Variants in NBEA observed in about 807,000 individuals in gnomAD.
NBEA encodes neurobeachin, also known as lysosomal-trafficking regulator 2.
In NBEA, 44 loss-of-function variants were observed where a neutral mutation model predicts 343.4. The observed-to-expected ratio is 0.13, with a 90% confidence interval of 0.10 to 0.16. The LOEUF (loss-of-function observed/expected upper bound fraction) is 0.16. Ranked by LOEUF, NBEA falls within the 10% of genes least tolerant of loss-of-function variation. The probability of loss-of-function intolerance (pLI) is 1.00; values close to 1 mark genes in which losing one functional copy is unlikely to be tolerated. For missense variants in NBEA, 2,555 were observed against 3,631.3 expected, an observed-to-expected ratio of 0.70 and a Z score of 7.62; for synonymous variants, 1,175 against 1,238.7, an observed-to-expected ratio of 0.95 and a Z score of 1.08.
At chr13:35,491,119 A>G (rs918953045) in intron 41 of NBEA, among the ~76,000 whole-genome samples, 4 of 151,938 alleles carry the variant, frequency 2.6e-5, no homozygotes, top group Non-Finnish European at 5.9e-5. Context: ...AGCTTTTTCT[A>G]TCTCCAGACT....
At chr13:35,620,544 T>G (rs1399752819) in intron 48 of NBEA, among the ~76,000 whole-genome samples, 1 of 151,262 alleles carries the variant, frequency 6.6e-6, no homozygotes, top group African/African-American at 2.4e-5. Context: ...CACAGGGTCT[T>G]GAAGGCCATC....
intron 39 of NBEA, among the ~76,000 whole-genome samples, chr13:35,440,225 C>T (rs2045662694): frequency 6.6e-6 from 1 of 152,090 alleles, no homozygotes; most frequent in African/African-American, 2.4e-5. Flanking sequence ...TTTAACCACA[C>T]CATTCATCAC....
chr13:34,997,925 C>T (rs948748401), intron 1 of NBEA, among the ~76,000 whole-genome samples: 36 of 152,130 alleles, frequency 2.4e-4, no homozygotes, highest in African/African-American at 8.0e-4. Flanking sequence ...TGAAATGCAT[C>T]ATAGTACCTT....
intron 1 of NBEA, among the ~76,000 whole-genome samples, chr13:35,014,905 T>A (rs1177744632): frequency 6.6e-6 from 1 of 151,620 alleles, no homozygotes; most frequent in Non-Finnish European, 1.5e-5. Flanking sequence ...AGCATGACCT[T>A]TGGCTTCAGG....
At chr13:34,980,736 T>A (rs2060329412) in intron 1 of NBEA, among the ~76,000 whole-genome samples, 1 of 152,162 alleles carries the variant, frequency 6.6e-6, no homozygotes, top group Admixed American at 6.5e-5. Context: ...ACAATTAAGA[T>A]GTTAGCTATA....
intron 36 of NBEA, among the ~76,000 whole-genome samples, chr13:35,322,076 G>A (rs955108850): frequency 6.6e-6 from 1 of 152,074 alleles, no homozygotes; most frequent in African/African-American, 2.4e-5. Flanking sequence ...CTGGCTTCCT[G>A]GCTTCAGCCC....
At chr13:35,488,406 G>T (rs1430813237) in intron 41 of NBEA, among the ~76,000 whole-genome samples, 1 of 151,716 alleles carries the variant, frequency 6.6e-6, no homozygotes. Context: ...ATCGAAATGT[G>T]TAACTAAGAA....
rs2059056121 is a variant in NBEA at position 34,942,426 on chromosome 13, G to C, written c.-395G>C. 6.3e-6 allele frequency: 1 copy of C among 158,826 alleles called. No individual in the cohort carries two copies. Among genetic ancestry groups the C allele is most frequent in the South Asian group, 1.7e-4 (1 of 5,848 alleles). 9.8% of individuals were successfully genotyped at this position (158,826 alleles called of 1,614,324 possible). On this transcript the variant is annotated 5_prime_UTR_variant, in exon 1 of 59. Transcript: ENST00000379939. ...TCAGCACCGGCCAGCGTCGTGGCCA[G>C]CTGCTCGCGTCCTCGGGCTTCTCGG... is the stretch of plus-strand genomic sequence containing the variant.
intron 49 of NBEA, among the ~76,000 whole-genome samples, chr13:35,642,752 A>G (rs2084023664): frequency 6.6e-6 from 1 of 152,096 alleles, no homozygotes; most frequent in South Asian, 2.1e-4. Flanking sequence ...AATTTCTTGT[A>G]TGCCATTTAC....
intron 17 of NBEA, among the ~76,000 whole-genome samples, chr13:35,139,744 GTTTTTTTTTTTTTTT>G (rs36117821): frequency 3.3e-5 from 2 of 61,130 alleles, no homozygotes; most frequent in African/African-American, 7.7e-5. Flanking sequence ...GATGGATGGC[GTTTTTTTTTTTTTTT>G]TTTTTTTTTT....
chr13:35,602,358 CCT>C (rs1324112816), intron 47 of NBEA, among the ~76,000 whole-genome samples: 1 of 152,110 alleles, frequency 6.6e-6, no homozygotes, highest in Non-Finnish European at 1.5e-5. Flanking sequence ...AAAAATCTCA[CCT>C]CTGCTGCTTC....
chr13:35,319,373 G>A (rs1745665313), intron 36 of NBEA, among the ~76,000 whole-genome samples: 1 of 152,152 alleles, frequency 6.6e-6, no homozygotes, highest in Admixed American at 6.5e-5. Flanking sequence ...TCATTCAGGA[G>A]CAGGTTTTTC....
In NBEA at chr13:35,593,321, T is replaced by C. The variant is rs762731072; in HGVS notation, c.7177-7T>C. 1.2e-6 allele frequency: 2 copies of C among 1,611,380 alleles called. No homozygotes were observed. Among genetic ancestry groups the C allele is most frequent in the Middle Eastern group, 1.7e-4 (1 of 6,040 alleles). On this transcript the variant is annotated splice_region_variant and splice_polypyrimidine_tract_variant and intron_variant, in intron 46 of 58. Transcript: ENST00000379939. The stretch of plus-strand genomic sequence containing the variant: ...GGTCAAATTTCTGATTCTGTTTTTT[T>C]GCTTAGGAACCTTTCACAACCTTCT...
intron 4 of NBEA, among the ~76,000 whole-genome samples, chr13:35,047,710 A>G (rs1156799229): frequency 6.6e-6 from 1 of 151,760 alleles, no homozygotes; most frequent in Non-Finnish European, 1.5e-5. Flanking sequence ...CCTGTATAAC[A>G]TGAAGAAATT....
intron 38 of NBEA, among the ~76,000 whole-genome samples, chr13:35,423,870 G>A (rs888055363): frequency 3.4e-4 from 52 of 152,080 alleles, no homozygotes; most frequent in African/African-American, 8.4e-4. Flanking sequence ...CTTCATATCC[G>A]TTGTAAGTTG....
At chr13:35,062,425 T>G (rs1190925374) in intron 8 of NBEA, among the ~76,000 whole-genome samples, 3 of 151,648 alleles carry the variant, frequency 2.0e-5, no homozygotes, top group Non-Finnish European at 4.4e-5. Flanking sequence ...GAAAAAATAT[T>G]TGAATAAATG....
intron 38 of NBEA, among the ~76,000 whole-genome samples, chr13:35,377,678 T>A (rs1312399143): frequency 1.3e-5 from 2 of 152,154 alleles, no homozygotes; most frequent in African/African-American, 4.8e-5. Context: ...TCCCTCTAAT[T>A]TTAAATTGCT....
At chr13:35,652,896 G>A (rs1020049480) in intron 53 of NBEA, among the ~76,000 whole-genome samples, 1 of 149,356 alleles carries the variant, frequency 6.7e-6, no homozygotes, top group East Asian at 2.0e-4. Flanking sequence ...GGGTTTCACC[G>A]TGTTAGCCAG....
intron 1 of NBEA, among the ~76,000 whole-genome samples, chr13:34,971,403 G>A (rs1351818325): frequency 2.6e-5 from 4 of 151,780 alleles, no homozygotes; most frequent in Non-Finnish European, 4.4e-5. Flanking sequence ...AATAGGAGGG[G>A]TGAAAGAGGG....
Sources: gnomAD v4.1 joint callset for allele counts (sites outside exome capture counted in the v4.1 genomes callset) on GRCh38, gnomAD v4.1.1 for gene constraint, MANE v1.5 for transcripts, NCBI Gene and HGNC (gene_info 2026-07-23, HGNC 2026-07-21) for gene names.